Variants in ZNF444 observed in about 807,000 individuals in gnomAD.
ZNF444 encodes zinc finger protein 444, also known as endothelial zinc finger protein 2.
Under a neutral mutation model 14.4 loss-of-function variants are expected in ZNF444, and 8 were observed. The ratio of observed to expected loss-of-function variants is 0.56; its 90% CI spans 0.33 to 1.00. The LOEUF (loss-of-function observed/expected upper bound fraction) is 1.00, where lower values mean the gene tolerates loss of function less well. Ranked by LOEUF, ZNF444 falls within the 50% of genes least tolerant of loss-of-function variation. The probability of loss-of-function intolerance (pLI) is 0.03; values close to 1 mark genes in which losing one functional copy is unlikely to be tolerated. For synonymous variants in ZNF444, 258 were observed against 235.9 expected (o/e 1.09, Z -0.86); for missense variants, 510 against 504.8 (o/e 1.01, Z -0.10).
intron 4 of ZNF444, 34 bp downstream of exon 4, chr19:56,158,636 GC>G (rs1438664190): frequency 1.3e-6 from 2 of 1,551,546 alleles, no homozygotes; most frequent in African/African-American, 1.4e-5. Flanking sequence ...CTCCCCGCCA[GC>G]CCCCAGCACC....
chr19:56,132,935 C>CTTTTTT (rs61365745), intron 1 of ZNF444, among the ~76,000 whole-genome samples: 52,942 of 94,024 alleles, frequency 0.56, 17,002 homozygotes, highest in South Asian at 0.73. Context: ...TTCTTTCTTT[C>CTTTTTT]TTTTTTTTTT....
intron 1 of ZNF444, 192 bp from the exon 2 acceptor site, chr19:56,146,055 A>C (rs141471818): frequency 1.3e-5 from 2 of 152,226 alleles, no homozygotes; most frequent in African/African-American, 2.4e-5. Flanking sequence ...GAGAGCTTCC[A>C]CATGTGAATT....
In ZNF444 at chr19:56,144,935, C is replaced by T. The variant is rs2031075952; in HGVS notation, c.-196-1312C>T. 6.6e-6 allele frequency among the ~76,000 whole-genome samples: 1 copy of T among 152,242 alleles called. No homozygotes were observed. The highest frequency in any genetic ancestry group is 1.5e-5 in the Non-Finnish European group (1 of 68,048). On this transcript the variant is annotated intron_variant, in intron 1 of 4. Transcript: ENST00000337080. This position sits in a 1 kb window ranked among gnomAD's most constrained non-coding sequence, Gnocchi z 4.0. ...CAGTGTCCTTGAGGTCAGGGGCCGGCAGTCTTGTCCTGTAAAGAGCCAGCG... is the reference window on the plus strand; with the variant it reads ...CAGTGTCCTTGAGGTCAGGGGCCGGTAGTCTTGTCCTGTAAAGAGCCAGCG...
At position 56,159,855 on chromosome 19, in the gene ZNF444, G is replaced by C; in HGVS notation, c.638G>C (p.Gly213Ala). The change falls in exon 5 of 5, where the codon GGG (glycine) becomes GCG (alanine). Residue 213 changes from glycine (G) to alanine (A), a missense_variant. Transcript: ENST00000337080. ...AAGCCGCACGCCTGCCCTGAGTGCG[G>C]GAAGGCCTTTCGGCGCAAGGAGCAC... ...GEKPHACPEC[G>A]KAFRRKEHLR... 1 of 1,549,242 alleles carries C rather than the reference G, an allele frequency of 6.5e-7. No homozygotes were observed. Among genetic ancestry groups the C allele is most frequent in the Middle Eastern group, 1.7e-4 (1 of 5,990 alleles).
upstream of ZNF444, among the ~76,000 whole-genome samples, chr19:56,139,097 C>G (rs1314895937): frequency 6.6e-6 from 1 of 151,762 alleles, no homozygotes; most frequent in Non-Finnish European, 1.5e-5. Context: ...CCCGGCCTAG[C>G]TTGAATGTAC....
chr19:56,159,788 C>G lies in ZNF444; in HGVS notation c.571C>G (p.Pro191Ala). 2 of 1,593,834 alleles carry G rather than the reference C, an allele frequency of 1.3e-6. No individual in the cohort carries two copies. Among genetic ancestry groups the G allele is most frequent in the African/African-American group, 1.3e-5 (1 of 74,734 alleles). ...CGAGTGCGGCAAAACGTCCCTGAAA[C>G]CAGCTCACCTGCTGCGCCACCGGCA... ...CPECGKTSLK[P>A]AHLLRHRQSH... Residue 191 changes from proline to alanine, a missense_variant, in exon 5 of 5, where the codon CCA (proline) becomes GCA (alanine). Physicochemically the swap from Pro to Ala is conservative, Grantham distance 27. Transcript: ENST00000337080.
intron 1 of ZNF444, chr19:56,142,207 A>C (rs1453586760): frequency 2.0e-5 from 3 of 152,224 alleles, no homozygotes; most frequent in African/African-American, 7.2e-5. Flanking sequence ...AGTAACCCTA[A>C]GTCTGACTGG....
chr19:56,155,910 C>T (rs1349844441), intron 3 of ZNF444: 3 of 152,274 alleles, frequency 2.0e-5, no homozygotes, highest in African/African-American at 7.2e-5. Context: ...TGCCAGATCC[C>T]ACAGGTTGAG....
rs1231510469 is a variant in ZNF444 at position 56,160,440 on chromosome 19, C to T, written c.*239C>T. On this transcript the variant is annotated 3_prime_UTR_variant, in exon 5 of 5. Coordinates refer to ENST00000337080, the MANE Select transcript of ZNF444 (RefSeq NM_018337.4). ...CCCCCCCTTCTCCCTGATTTCTCGG[C>T]CTCTCTCTCTGTGTGAAGGGGCCTC... 6.3e-6 allele frequency: 3 copies of T among 475,130 alleles called. No homozygotes were observed. The highest frequency in any genetic ancestry group is 1.1e-5 in the Non-Finnish European group (3 of 271,796). 29.4% of individuals were successfully genotyped at this position (475,130 alleles called of 1,614,324 possible).
At chr19:56,136,325 T>C (rs1483059919), upstream of ZNF444, among the ~76,000 whole-genome samples, 1 of 152,186 alleles carries the variant, frequency 6.6e-6, no homozygotes, top group Non-Finnish European at 1.5e-5. Context: ...TGATTCTGTG[T>C]ACTCTGTCCA....
chr19:56,146,894 T>C lies in ZNF444; in HGVS notation c.-18T>C. 2 of 1,392,568 alleles carry C rather than the reference T, an allele frequency of 1.4e-6. No homozygotes were observed. Among genetic ancestry groups the C allele is most frequent in the South Asian group, 3.2e-5 (2 of 61,712 alleles). The allele number at this position is 1,392,568 out of a possible 1,614,324, so 86.3% of individuals were successfully genotyped here. On this transcript the variant is annotated 5_prime_UTR_variant, in exon 3 of 5. Transcript: ENST00000337080. ...TCACCGGCTTGTTCCCTGCAGGCGC[T>C]GCGGTCCGGGAGGCCCCATGGAGGT... is the stretch of plus-strand genomic sequence containing the variant.
chr19:56,140,284 G>T (rs1322996419), upstream of ZNF444, among the ~76,000 whole-genome samples: 2 of 151,254 alleles, frequency 1.3e-5, no homozygotes, highest in African/African-American at 4.9e-5. Flanking sequence ...TGCGGGCTGG[G>T]GTAGGGCTTG....
chr19:56,135,244 A>G (rs1263077986), intron 1 of ZNF444, among the ~76,000 whole-genome samples: 1 of 152,036 alleles, frequency 6.6e-6, no homozygotes, highest in Non-Finnish European at 1.5e-5. Context: ...AAAAAGAAAA[A>G]AATGTCAAGA....
chr19:56,158,193 T>C (rs2032023794), intron 3 of ZNF444: 3 of 269,412 alleles, frequency 1.1e-5, no homozygotes, highest in Middle Eastern at 1.1e-3. Flanking sequence ...GTCCGGAGTC[T>C]GTGAGTGGCT....
chr19:56,148,570 G>C (rs77065857), intron 3 of ZNF444, among the ~76,000 whole-genome samples: 1 of 151,898 alleles, frequency 6.6e-6, no homozygotes. Flanking sequence ...CATGCGGCCC[G>C]ACCAGCCCCC....
upstream of ZNF444, among the ~76,000 whole-genome samples, chr19:56,136,531 G>T (rs1660298055): frequency 6.6e-6 from 1 of 152,194 alleles, no homozygotes; most frequent in Non-Finnish European, 1.5e-5. Flanking sequence ...CTCCACTGGA[G>T]TTAAGTAAGA....
rs1600018198 is a variant in ZNF444, at chr19:56,147,236, A to G, written c.297+28A>G. 1 of 1,404,368 alleles carries G rather than the reference A, an allele frequency of 7.1e-7. No individual in the cohort carries two copies. The highest frequency in any genetic ancestry group is 9.2e-7 in the Non-Finnish European group (1 of 1,084,648). The allele number at this position is 1,404,368 out of a possible 1,614,324, so 87.0% of individuals were successfully genotyped here. On this transcript the variant is annotated intron_variant, in intron 3 of 4. Transcript: ENST00000337080. This position sits in a 1 kb window ranked among gnomAD's most constrained non-coding sequence, Gnocchi z 5.9. ...GAGCCTGGCGGGACTGCAAGCGGGG[A>G]AGGGAGAGGGGAAGGTGCCAGGGAA...
Position 56,145,646 on chromosome 19 carries a change from G to A in ZNF444, c.-196-601G>A, listed in dbSNP as rs192930994. The stretch of plus-strand genomic sequence containing the variant: ...AGCTCGCTGCCTCTCTCTATTCTAC[G>A]CCATGGGAGGACACAAAAGGAGGCC... On this transcript the variant is annotated intron_variant, in intron 1 of 4. Coordinates refer to ENST00000337080, the MANE Select transcript of ZNF444 (RefSeq NM_018337.4). This position sits in a 1 kb window ranked among gnomAD's most constrained non-coding sequence, Gnocchi z 4.3. 2.5e-3 allele frequency among the ~76,000 whole-genome samples: 376 copies of A among 152,012 alleles called. 1 individual carries two copies. In the Middle Eastern group the frequency reaches 0.034, roughly 14 times the overall value.
chr19:56,146,958 TG>T lies in ZNF444; in HGVS notation c.49del (p.Asp17ThrfsTer53). 6.9e-7 allele frequency: 1 copy of T among 1,446,992 alleles called. No individual in the cohort carries two copies. The allele number at this position is 1,446,992 out of a possible 1,614,324, so 89.6% of individuals were successfully genotyped here. On this transcript the variant is annotated frameshift_variant, in exon 3 of 5. Transcript: ENST00000337080. LOFTEE classifies it high-confidence loss of function. ...PVKQEAEGLALDSPWHRFRRF... is the reference protein window; with the variant it reads ...PVKQEAEGLAXDSPWHRFRRF... ...AAGCAGGAGGCCGAGGGCCTGGCGC[TG>T]GACTCCCCGTGGCACCGCTTCCGCC...
Sources: gnomAD v4.1 joint callset for allele counts (sites outside exome capture counted in the v4.1 genomes callset) on GRCh38, gnomAD v4.1.1 for gene constraint, Gnocchi (gnomAD v3.1) non-coding constraint, MANE v1.5 for transcripts, NCBI Gene and HGNC (gene_info 2026-07-23, HGNC 2026-07-21) for gene names.